The following SAMD12 variants were observed in gnomAD, a reference collection of about 807,000 sequenced individuals.
SAMD12 encodes sterile alpha motif domain containing 12, also known as sterile alpha motif domain-containing protein 12.
A neutral mutation model predicts 15.0 loss-of-function variants in SAMD12; 9 were observed. The ratio of observed to expected loss-of-function variants is 0.60; its 90% CI spans 0.36 to 1.05. SAMD12 has a LOEUF of 1.05. SAMD12 is among the 50% of genes least tolerant of loss of function. SAMD12 has a pLI of 0.01. For missense variants in SAMD12, 230 were observed against 234.2 expected (o/e 0.98, Z 0.12); for synonymous variants, 86 against 90.1 (o/e 0.96, Z 0.25).
intron 2 of SAMD12, among the ~76,000 whole-genome samples, chr8:118,573,463 T>G (rs886783459): frequency 2.6e-5 from 4 of 152,182 alleles, no homozygotes; most frequent in Non-Finnish European, 5.9e-5. Flanking sequence ...ACACAGTGGG[T>G]CAAATGGTAT....
intron 2 of SAMD12, among the ~76,000 whole-genome samples, chr8:118,455,404 A>G (rs1413032055): frequency 6.6e-6 from 1 of 152,164 alleles, no homozygotes; most frequent in Non-Finnish European, 1.5e-5. Flanking sequence ...AAATCCACAC[A>G]ACATAAAATG....
intron 3 of SAMD12, among the ~76,000 whole-genome samples, chr8:118,408,513 A>G (rs1196008964): frequency 1.3e-5 from 2 of 152,158 alleles, no homozygotes; most frequent in East Asian, 1.9e-4. Context: ...CACCTTCTTA[A>G]TAAGGATTCT....
At position 118,379,143 on chromosome 8, in the gene SAMD12, C is replaced by G. The variant is rs1347245014; in HGVS notation, c.*274G>C. ...TGGTCATCGTAACTATTGAATCACT[C>G]AAATGCTAAAGCGCCCTCACAATTG... is the stretch of plus-strand genomic sequence containing the variant. On this transcript the variant is annotated 3_prime_UTR_variant, in exon 4 of 4. Transcript: ENST00000314727. 4 of 1,189,984 alleles carry G rather than the reference C, an allele frequency of 3.4e-6. No individual in the cohort carries two copies. Among genetic ancestry groups the G allele is most frequent in the Non-Finnish European group, 4.2e-6 (4 of 956,008 alleles). 73.7% of individuals were successfully genotyped at this position (1,189,984 alleles called of 1,614,324 possible). A position where few individuals can be genotyped will look rare whatever the true frequency, so the allele number is the denominator to read the frequency against.
intron 2 of SAMD12, among the ~76,000 whole-genome samples, chr8:118,520,782 A>C (rs1242599446): frequency 1.3e-5 from 2 of 152,190 alleles, no homozygotes; most frequent in African/African-American, 4.8e-5. Context: ...TTCCTATACA[A>C]ACTTTTTTTC....
chr8:118,287,529 T>C (rs984590806), intron 4 of SAMD12, among the ~76,000 whole-genome samples: 1 of 152,146 alleles, frequency 6.6e-6, no homozygotes, highest in Non-Finnish European at 1.5e-5. Context: ...ATATTTGGGA[T>C]AGTGCCGGGA....
At chr8:118,477,642 T>C (rs1823996481) in intron 2 of SAMD12, among the ~76,000 whole-genome samples, 2 of 152,296 alleles carry the variant, frequency 1.3e-5, no homozygotes, top group South Asian at 4.1e-4. Context: ...TAAGTCTCAA[T>C]GGACATTGGG....
At chr8:118,316,825 T>G (rs1375789879) in intron 4 of SAMD12, among the ~76,000 whole-genome samples, 25 of 150,298 alleles carry the variant, frequency 1.7e-4, no homozygotes, top group African/African-American at 4.7e-4. Flanking sequence ...AGTTTTTTTT[T>G]TTTTTTTTTT....
At chr8:118,345,767 A>T (rs528501142) in intron 4 of SAMD12, among the ~76,000 whole-genome samples, 96 of 152,348 alleles carry the variant, frequency 6.3e-4, no homozygotes, top group African/African-American at 2.1e-3. Flanking sequence ...GTCAAAGGAC[A>T]GGGTAGGTTA....
At chr8:118,487,977 A>C (rs1015102573) in intron 2 of SAMD12, among the ~76,000 whole-genome samples, 3 of 152,316 alleles carry the variant, frequency 2.0e-5, no homozygotes, top group African/African-American at 7.2e-5. Context: ...CGACATATTC[A>C]CTGTGCAGTA....
chr8:118,189,320 A>C (rs753617116), downstream of SAMD12: 6 of 152,216 alleles, frequency 3.9e-5, no homozygotes, highest in Non-Finnish European at 7.3e-5. Flanking sequence ...CATGAATTGC[A>C]TCATTAGCTA....
intron 4 of SAMD12, among the ~76,000 whole-genome samples, chr8:118,326,292 A>T (rs973976791): frequency 1.3e-5 from 2 of 152,180 alleles, no homozygotes; most frequent in East Asian, 3.9e-4. Flanking sequence ...ACCAGGATTG[A>T]CATAAAATTA....
chr8:118,318,388 GA>G (rs1816057405), intron 4 of SAMD12, among the ~76,000 whole-genome samples: 1 of 143,364 alleles, frequency 7.0e-6, no homozygotes, highest in Non-Finnish European at 1.5e-5. Flanking sequence ...CTTGGGCATA[GA>G]AAAGGAATGA....
chr8:118,341,666 C>A (rs994754797), intron 4 of SAMD12, among the ~76,000 whole-genome samples: 29 of 152,150 alleles, frequency 1.9e-4, no homozygotes, highest in Non-Finnish European at 3.4e-4. Flanking sequence ...AGAGAGCTCT[C>A]TGGGACCGCT....
intron 4 of SAMD12, among the ~76,000 whole-genome samples, chr8:118,217,467 T>C (rs1811991035): frequency 6.6e-6 from 1 of 152,126 alleles, no homozygotes; most frequent in Non-Finnish European, 1.5e-5. Context: ...GGTAAGGGAG[T>C]TTTTGTCCAT....
At chr8:118,585,740 G>T (rs1333118459) in intron 1 of SAMD12, among the ~76,000 whole-genome samples, 1 of 152,210 alleles carries the variant, frequency 6.6e-6, no homozygotes, top group African/African-American at 2.4e-5. Context: ...GCAGGGCTTG[G>T]ATTGCTGATT....
intron 4 of SAMD12, among the ~76,000 whole-genome samples, chr8:118,209,267 A>G (rs1819952291): frequency 6.6e-6 from 1 of 152,206 alleles, no homozygotes; most frequent in Non-Finnish European, 1.5e-5. Context: ...CGAGTTCCCC[A>G]AAATGAGAAA....
rs190109831 is a variant in SAMD12 at position 118,236,430 on chromosome 8, C to T, written c.434-38698G>A. ...GAGTGGCACTCACCAATGAAACTCT[C>T]TAGCTAAATTACCAAGTGTGAGGCC... On this transcript the variant is annotated intron_variant, in intron 4 of 4. Transcript: ENST00000409003. 2.4e-3 allele frequency among the ~76,000 whole-genome samples: 368 copies of T among 152,294 alleles called. 3 individuals carry two copies. Among genetic ancestry groups the T allele is most frequent in the African/African-American group, 8.4e-3 (351 of 41,570 alleles).
chr8:118,350,999 A>G (rs1409064227), intron 4 of SAMD12, among the ~76,000 whole-genome samples: 1 of 152,188 alleles, frequency 6.6e-6, no homozygotes, highest in Non-Finnish European at 1.5e-5. Context: ...TCCCTGAAAT[A>G]TCTCTATGAC....
At chr8:118,164,303 T>C in the SAMD12 span, among the ~76,000 whole-genome samples, 3 of 152,224 alleles carry the variant, frequency 2.0e-5, no homozygotes, top group South Asian at 6.2e-4. Context: ...CATCTCCTCT[T>C]GTCTTCTCTG....
Sources: allele counts gnomAD v4.1 joint callset (sites outside exome capture counted in the v4.1 genomes callset), GRCh38; gene constraint gnomAD v4.1.1; transcripts MANE v1.5; gene names NCBI Gene and HGNC (gene_info 2026-07-23, HGNC 2026-07-21).